The following ATL2 variants were observed in gnomAD, a reference collection of about 807,000 sequenced individuals.
The protein encoded by ATL2 is atlastin-2.
In ATL2, 31 loss-of-function variants were observed where a neutral mutation model predicts 73.9. That is an observed-to-expected ratio of 0.42 (90% CI 0.32 to 0.57). The LOEUF is 0.57. Among genes scored for constraint, ATL2 ranks in the 20% least tolerant of loss-of-function variants. The pLI is 0.14. For synonymous variants in ATL2, 291 were observed against 237.5 expected, an observed-to-expected ratio of 1.23 and a Z score of -2.07; for missense variants, 738 against 702.6, an observed-to-expected ratio of 1.05 and a Z score of -0.57.
chr2:38,357,079 T>A (rs1670709803), intron 1 of ATL2, among the ~76,000 whole-genome samples: 1 of 151,962 alleles, frequency 6.6e-6, no homozygotes, highest in South Asian at 2.1e-4. Flanking sequence ...TCTGTAATCC[T>A]AGCACTTTGG....
At chr2:38,350,526 A>G (rs1216300562) in intron 1 of ATL2, among the ~76,000 whole-genome samples, 1 of 152,214 alleles carries the variant, frequency 6.6e-6, no homozygotes, top group Non-Finnish European at 1.5e-5. Flanking sequence ...AAATTGGTTG[A>G]TACCTGTCAT....
At chr2:38,365,239 A>T (rs17022624) in intron 1 of ATL2, among the ~76,000 whole-genome samples, 3,638 of 152,208 alleles carry the variant, frequency 0.024, 68 homozygotes, top group Non-Finnish European at 0.037. Context: ...ATAGACACTT[A>T]GATCGAATAG....
intron 1 of ATL2, among the ~76,000 whole-genome samples, chr2:38,364,826 C>G (rs1267676269): frequency 6.6e-6 from 1 of 152,058 alleles, no homozygotes; most frequent in Non-Finnish European, 1.5e-5. Context: ...GGGTGGATCA[C>G]GAGGTCAGGA....
intron 1 of ATL2, among the ~76,000 whole-genome samples, chr2:38,361,922 C>G (rs996023441): frequency 6.6e-6 from 1 of 152,120 alleles, no homozygotes; most frequent in Non-Finnish European, 1.5e-5. Context: ...GTAATGCATG[C>G]ATCAAGATTT....
intron 2 of ATL2, among the ~76,000 whole-genome samples, chr2:38,334,906 T>TA (rs1573512189): frequency 7.2e-6 from 1 of 139,094 alleles, no homozygotes; most frequent in East Asian, 2.0e-4. Context: ...ATATTATTTA[T>TA]AATATATAAA....
intron 2 of ATL2, among the ~76,000 whole-genome samples, chr2:38,338,226 C>T (rs750350538): frequency 6.6e-6 from 1 of 152,020 alleles, no homozygotes; most frequent in African/African-American, 2.4e-5. Flanking sequence ...CCAAATACCA[C>T]GATTTTACTT....
chr2:38,368,698 G>A (rs1454466455), intron 1 of ATL2, among the ~76,000 whole-genome samples: 1 of 152,064 alleles, frequency 6.6e-6, no homozygotes, highest in Non-Finnish European at 1.5e-5. Flanking sequence ...AAATTAAAAA[G>A]CAAATATGAA....
intron 4 of ATL2, 49 bp downstream of exon 4, chr2:38,318,486 G>C (rs1437906595): frequency 2.2e-6 from 3 of 1,379,726 alleles, no homozygotes; most frequent in Admixed American, 2.4e-5. Flanking sequence ...AAAAAAAAGG[G>C]GCCAAATGAT....
chr2:38,337,485 C>CAAAAAAAAA (rs1669430957), intron 2 of ATL2, among the ~76,000 whole-genome samples: 2 of 18,310 alleles, frequency 1.1e-4, no homozygotes, highest in Non-Finnish European at 2.1e-4. Context: ...GACTCTGTCT[C>CAAAAAAAAA]CAAAAAAAAA....
In ATL2 at chr2:38,295,835, A is replaced by G; in HGVS notation, c.*159T>C. The G allele has an allele frequency of 1.7e-6, 1 of 604,918 alleles. No homozygotes were observed. The highest frequency in any genetic ancestry group is 2.8e-6 in the Non-Finnish European group (1 of 359,024). 37.5% of individuals were successfully genotyped at this position (604,918 alleles called of 1,614,324 possible). On this transcript the variant is annotated 3_prime_UTR_variant, in exon 13 of 13. Transcript: ENST00000378954. Reference sequence around the variant, plus strand: ...AGCCATTAAAAGAATGCTTAAAACTAACAAACAATCTTCACACTCTGTGGC... The same window carrying G: ...AGCCATTAAAAGAATGCTTAAAACTGACAAACAATCTTCACACTCTGTGGC...
At chr2:38,300,561 C>G (rs1324034096) in intron 9 of ATL2, 2 of 360,460 alleles carry the variant, frequency 5.5e-6, no homozygotes, top group Non-Finnish European at 9.9e-6. Context: ...AAAGTTATAA[C>G]TCAAAGTTAG....
chr2:38,296,305 C>G (rs938804487), intron 12 of ATL2, 192 bp from the exon 13 acceptor site: 2 of 1,443,064 alleles, frequency 1.4e-6, no homozygotes, highest in African/African-American at 2.9e-5. Context: ...AATTACTTTC[C>G]TCTTATTCAA....
At chr2:38,347,330 C>A (rs149510249) in intron 1 of ATL2, among the ~76,000 whole-genome samples, 117 of 152,268 alleles carry the variant, frequency 7.7e-4, no homozygotes, top group Non-Finnish European at 1.5e-3. Flanking sequence ...CCTGATGAAG[C>A]TAACCCTGTT....
intron 1 of ATL2, among the ~76,000 whole-genome samples, chr2:38,364,463 G>A (rs973069709): frequency 1.3e-5 from 2 of 152,126 alleles, no homozygotes; most frequent in Non-Finnish European, 2.9e-5. Flanking sequence ...TATAAAGTGA[G>A]AAGCCCAAAG....
At chr2:38,358,242 A>G (rs1362821175) in intron 1 of ATL2, among the ~76,000 whole-genome samples, 4 of 152,168 alleles carry the variant, frequency 2.6e-5, no homozygotes, top group Middle Eastern at 3.2e-3. Context: ...AGGAAGAAAA[A>G]AAGTTTTCAA....
chr2:38,348,454 G>A (rs1458736072), intron 1 of ATL2, among the ~76,000 whole-genome samples: 4 of 145,570 alleles, frequency 2.7e-5, no homozygotes, highest in African/African-American at 8.1e-5. Context: ...CAACAAGAGC[G>A]AAACTCCATC....
intron 2 of ATL2, among the ~76,000 whole-genome samples, chr2:38,329,957 C>T (rs940165384): frequency 5.9e-5 from 9 of 151,992 alleles, no homozygotes; most frequent in Middle Eastern, 3.4e-3. Flanking sequence ...GGCAAAACCC[C>T]ATCTCTACTA....
chr2:38,333,651 T>C (rs1669131482), intron 2 of ATL2, among the ~76,000 whole-genome samples: 1 of 152,128 alleles, frequency 6.6e-6, no homozygotes, highest in Non-Finnish European at 1.5e-5. Flanking sequence ...AATGGAAATA[T>C]GTGATGATAG....
At chr2:38,320,314 C>T (rs1282789813) in intron 2 of ATL2, among the ~76,000 whole-genome samples, 1 of 152,010 alleles carries the variant, frequency 6.6e-6, no homozygotes, top group Non-Finnish European at 1.5e-5. Flanking sequence ...AAAAAAGAGT[C>T]CTTATCTATT....
Sources: allele counts gnomAD v4.1 joint callset (sites outside exome capture counted in the v4.1 genomes callset), GRCh38; gene constraint gnomAD v4.1.1; transcripts MANE v1.5; gene names NCBI Gene and HGNC (gene_info 2026-07-23, HGNC 2026-07-21).